SPOCK1: variants seen among roughly 807,000 people sequenced by gnomAD.
The protein encoded by SPOCK1 is testican-1.
Under a neutral mutation model 55.3 loss-of-function variants are expected in SPOCK1, and 23 were observed. The ratio of observed to expected loss-of-function variants is 0.42; its 90% CI spans 0.30 to 0.59. The LOEUF (loss-of-function observed/expected upper bound fraction) is 0.59. Among genes scored for constraint, SPOCK1 ranks in the 20% least tolerant of loss-of-function variants. The pLI, the probability that SPOCK1 is intolerant of heterozygous loss-of-function variation, is 0.22. For missense variants in SPOCK1, 499 were observed against 552.5 expected (o/e 0.90, Z 0.97); for synonymous variants, 226 against 221.0 (o/e 1.02, Z -0.20).
chr5:137,492,374 A>G (rs1415732738), intron 2 of SPOCK1, among the ~76,000 whole-genome samples: 1 of 152,254 alleles, frequency 6.6e-6, no homozygotes, highest in Non-Finnish European at 1.5e-5. Flanking sequence ...GAGCCACTAC[A>G]TGGAACCAAA....
At chr5:137,063,401 T>C (rs904796436) in intron 6 of SPOCK1, among the ~76,000 whole-genome samples, 21 of 147,796 alleles carry the variant, frequency 1.4e-4, no homozygotes, top group Non-Finnish European at 3.0e-5. Flanking sequence ...TGGCTTTGAC[T>C]TCTGAAAAAA....
chr5:137,381,109 G>C (rs1280231107), intron 2 of SPOCK1, among the ~76,000 whole-genome samples: 1 of 151,766 alleles, frequency 6.6e-6, no homozygotes, highest in Non-Finnish European at 1.5e-5. Flanking sequence ...CCTCACGCAA[G>C]TCCAAAACTG....
chr5:137,483,664 G>A (rs945107575), intron 2 of SPOCK1, among the ~76,000 whole-genome samples: 5 of 152,178 alleles, frequency 3.3e-5, no homozygotes, highest in African/African-American at 1.2e-4. Flanking sequence ...TGGGGTTGGA[G>A]GGAGGCTGCC....
chr5:137,326,952 A>T (rs1163946221), intron 2 of SPOCK1, among the ~76,000 whole-genome samples: 1 of 152,240 alleles, frequency 6.6e-6, no homozygotes, highest in Non-Finnish European at 1.5e-5. Context: ...TATTTCTGAC[A>T]TCATCCAAAA....
rs200372504 is a variant in SPOCK1 at position 137,272,685 on chromosome 5, G to A, written c.187-5630C>T. 6.8e-4 allele frequency among the ~76,000 whole-genome samples: 103 copies of A among 151,978 alleles called. 2 individuals are homozygous for A. The East Asian group carries it at 0.016, about 24-fold the overall frequency. On this transcript the variant is annotated intron_variant, in intron 2 of 10. Coordinates refer to ENST00000394945, the MANE Select transcript of SPOCK1 (RefSeq NM_004598.4). ...TGAGAACCCTGTACAACAGAGCCTG[G>A]GAGTTGTCTGCATTAATACATTTCT...
At chr5:137,200,219 C>T (rs1277799014) in intron 3 of SPOCK1, among the ~76,000 whole-genome samples, 1 of 152,170 alleles carries the variant, frequency 6.6e-6, no homozygotes, top group Non-Finnish European at 1.5e-5. Flanking sequence ...TCAGACAGGC[C>T]AGATGCACCC....
At chr5:136,994,743 T>C (rs1350447114) in intron 6 of SPOCK1, among the ~76,000 whole-genome samples, 3 of 151,674 alleles carry the variant, frequency 2.0e-5, no homozygotes, top group Non-Finnish European at 4.4e-5. Context: ...CCAGGTGCGG[T>C]GGTTCACGCC....
intron 6 of SPOCK1, among the ~76,000 whole-genome samples, chr5:137,064,982 CT>C (rs1305434332): frequency 1.3e-5 from 2 of 152,100 alleles, no homozygotes; most frequent in Admixed American, 1.3e-4. Flanking sequence ...AATCCCAGCA[CT>C]TTGGGAGGCC....
intron 6 of SPOCK1, among the ~76,000 whole-genome samples, chr5:137,044,234 C>A (rs541896854): frequency 6.6e-6 from 1 of 152,302 alleles, no homozygotes; most frequent in East Asian, 1.9e-4. Flanking sequence ...CCAGACCAAT[C>A]TTAGAAGGAT....
At chr5:137,492,267 C>G (rs866979838) in intron 2 of SPOCK1, among the ~76,000 whole-genome samples, 3 of 152,280 alleles carry the variant, frequency 2.0e-5, no homozygotes, top group Middle Eastern at 6.8e-3. Context: ...GGAATGGGTG[C>G]CTAACGCCGG....
Position 137,498,303 on chromosome 5 carries a change from CCA to C in SPOCK1, c.186+68_186+69del. 10 of 1,424,908 alleles carry C rather than the reference CCA, an allele frequency of 7.0e-6. No homozygotes were observed. In the East Asian group the frequency reaches 7.8e-5, roughly 11 times the overall value. The allele number at this position is 1,424,908 out of a possible 1,614,324, so 88.3% of individuals were successfully genotyped here. A position where few individuals can be genotyped will look rare whatever the true frequency, so the allele number is the denominator to read the frequency against. On this transcript the variant is annotated intron_variant, in intron 2 of 10. Coordinates refer to ENST00000394945, the MANE Select transcript of SPOCK1 (RefSeq NM_004598.4). ...ACACACACACACACACACACACACC[CCA>C]ACCCCGCTTCAGGGGTCCCCTCCGA... is the stretch of plus-strand genomic sequence containing the variant.
rs1203828637 is a variant in SPOCK1 at position 136,992,589 on chromosome 5, T to G, written c.601A>C (p.Lys201Gln). 2 of 1,613,672 alleles carry G rather than the reference T, an allele frequency of 1.2e-6. 1 individual carries two copies. Among genetic ancestry groups the G allele is most frequent in the South Asian group, 2.2e-5 (2 of 91,006 alleles). ...HKAERSACTDKELRNLASRLK... is the reference protein window; with the variant it reads ...HKAERSACTDQELRNLASRLK... ...CGGGAGGCAAGGTTCCGCAACTCCTTGTCTGTGCAGGCTAGAGAAAAGCAA... is the reference window on the plus strand; with the variant it reads ...CGGGAGGCAAGGTTCCGCAACTCCTGGTCTGTGCAGGCTAGAGAAAAGCAA... The change falls in exon 7 of 11, where the codon AAG becomes CAG. Residue 201 changes from lysine (K) to glutamine (Q), a missense_variant. Physicochemically the swap from Lys to Gln is moderately conservative, Grantham distance 53. Coordinates refer to ENST00000394945, the MANE Select transcript of SPOCK1 (RefSeq NM_004598.4).
intron 6 of SPOCK1, among the ~76,000 whole-genome samples, chr5:137,020,124 TA>T (rs977252817): frequency 6.6e-6 from 1 of 150,544 alleles, no homozygotes; most frequent in African/African-American, 2.4e-5. Context: ...AAAGGAGAGA[TA>T]AAAAGCAGAA....
chr5:136,994,954 G>A (rs1467438469), intron 6 of SPOCK1, among the ~76,000 whole-genome samples: 1 of 152,078 alleles, frequency 6.6e-6, no homozygotes, highest in Non-Finnish European at 1.5e-5. Context: ...GCGGTGAGCT[G>A]AGATTGTGCC....
intron 6 of SPOCK1, among the ~76,000 whole-genome samples, chr5:137,000,997 C>T (rs766443828): frequency 2.0e-5 from 3 of 152,068 alleles, no homozygotes; most frequent in Non-Finnish European, 2.9e-5. Context: ...AGTGAAACTC[C>T]GTCTCAAAAA....
At chr5:137,367,203 A>G (rs1388365162) in intron 2 of SPOCK1, among the ~76,000 whole-genome samples, 1 of 152,178 alleles carries the variant, frequency 6.6e-6, no homozygotes, top group Non-Finnish European at 1.5e-5. Context: ...TTCCTTTGCT[A>G]CTTGAAGTGA....
chr5:137,276,147 T>A (rs896877720), intron 2 of SPOCK1, among the ~76,000 whole-genome samples: 1 of 152,238 alleles, frequency 6.6e-6, no homozygotes, highest in African/African-American at 2.4e-5. Context: ...AGCCTTGCAG[T>A]CACCTTATGG....
chr5:137,040,897 A>G (rs550183288), intron 6 of SPOCK1, among the ~76,000 whole-genome samples: 1 of 152,316 alleles, frequency 6.6e-6, no homozygotes, highest in South Asian at 2.1e-4. Context: ...TGTCCTTCTA[A>G]GCAGTCAGCA....
intron 6 of SPOCK1, among the ~76,000 whole-genome samples, chr5:137,023,453 C>T (rs918580131): frequency 4.3e-4 from 66 of 152,248 alleles, no homozygotes; most frequent in African/African-American, 1.5e-3. Flanking sequence ...GTAGCCATTG[C>T]TTGACAGGCA....
Sources: allele counts gnomAD v4.1 joint callset (sites outside exome capture counted in the v4.1 genomes callset), GRCh38; gene constraint gnomAD v4.1.1; transcripts MANE v1.5; gene names NCBI Gene and HGNC (gene_info 2026-07-23, HGNC 2026-07-21).